The following TTC34 variants were observed in gnomAD, a reference collection of about 807,000 sequenced individuals.
TTC34 encodes tetratricopeptide repeat domain 34.
A neutral mutation model predicts 40.7 loss-of-function variants in TTC34; 44 were observed. The observed-to-expected ratio is 1.08, with a 90% confidence interval of 0.85 to 1.39. The LOEUF (loss-of-function observed/expected upper bound fraction) is 1.39, where lower values mean the gene tolerates loss of function less well. TTC34 is among the 40% of genes most tolerant of loss of function. The probability of loss-of-function intolerance (pLI) is 0.00; values close to 1 mark genes in which losing one functional copy is unlikely to be tolerated. For synonymous variants in TTC34, 422 were observed against 398.6 expected, an observed-to-expected ratio of 1.06 and a Z score of -0.70; for missense variants, 884 against 838.0, an observed-to-expected ratio of 1.05 and a Z score of -0.68.
Position 2,783,606 on chromosome 1 carries a change from C to T in TTC34, c.2226+3G>A, listed in dbSNP as rs1006221745. On this transcript the variant is annotated splice_donor_region_variant and intron_variant, in intron 6 of 8. Coordinates refer to ENST00000401095, the Ensembl canonical transcript of TTC34. ...CAGGCCCAGGTCAGGAGTGGGGCGG[C>T]ACCTGCAGCTGGTCTAGGGCCAGGT... The T allele has an allele frequency of 1.4e-6, 2 of 1,415,558 alleles. No individual in the cohort carries two copies. Among genetic ancestry groups the T allele is most frequent in the Non-Finnish European group, 1.9e-6 (2 of 1,067,916 alleles). 87.7% of individuals were successfully genotyped at this position (1,415,558 alleles called of 1,614,324 possible). A position where few individuals can be genotyped will look rare whatever the true frequency, so the allele number is the denominator to read the frequency against.
chr1:2,772,937 C>A (rs1158241597), intron 6 of TTC34, among the ~76,000 whole-genome samples: 1 of 130,536 alleles, frequency 7.7e-6, no homozygotes, highest in Non-Finnish European at 1.7e-5. Flanking sequence ...AGCACCCATA[C>A]CCCCAGGCGA....
intron 6 of TTC34, among the ~76,000 whole-genome samples, chr1:2,771,481 C>A (rs1642126598): frequency 1.2e-5 from 1 of 82,316 alleles, no homozygotes; most frequent in African/African-American, 8.2e-5. Flanking sequence ...ACAGCATCCA[C>A]ACCCCCAGGC....
rs1373927064 is a variant in TTC34 at position 2,675,092 on chromosome 1, C to G, written c.2227-29529G>C. The stretch of plus-strand genomic sequence containing the variant: ...AGCAGTGCCCACACACCCAGGCGAG[C>G]ATCTGACAGCCTGGAGCAGTGCCCA... On this transcript the variant is annotated intron_variant, in intron 6 of 8. Coordinates refer to ENST00000401095, the Ensembl canonical transcript of TTC34. Among the ~76,000 whole-genome samples the G allele has an allele frequency of 9.5e-4, 114 of 119,914 alleles. 2 individuals are homozygous for G. The highest frequency in any genetic ancestry group is 2.9e-3 in the African/African-American group (100 of 34,122). 78.7% of individuals were successfully genotyped at this position (119,914 alleles called of 152,430 possible).
intron 6 of TTC34, among the ~76,000 whole-genome samples, chr1:2,746,548 A>G (rs1167517415): frequency 3.8e-5 from 1 of 26,466 alleles, no homozygotes. Flanking sequence ...AACAGCACCC[A>G]CATCCCCAGG....
chr1:2,677,463 TCTGAACACACG>T (rs1639947732), intron 6 of TTC34, among the ~76,000 whole-genome samples: 1 of 85,056 alleles, frequency 1.2e-5, no homozygotes. Flanking sequence ...CAGGCGAGCA[TCTGAACACACG>T]GAGCAGCACC....
chr1:2,644,284 C>T (rs750660631), exon 8 of TTC34: 60 of 1,534,652 alleles, frequency 3.9e-5, no homozygotes, highest in Non-Finnish European at 4.6e-5. Flanking sequence ...CTCTGCCGCT[C>T]CGAGGCCTCC....
chr1:2,646,559 A>G (rs2100989597), intron 6 of TTC34, among the ~76,000 whole-genome samples: 1 of 152,166 alleles, frequency 6.6e-6, no homozygotes, highest in Admixed American at 6.5e-5. Context: ...TCATTTTAAA[A>G]TCTTTTTGTA....
At chr1:2,688,081 C>T (rs997721787) in intron 6 of TTC34, among the ~76,000 whole-genome samples, 2 of 152,006 alleles carry the variant, frequency 1.3e-5, no homozygotes, top group African/African-American at 4.8e-5. Context: ...GGAACAGCAC[C>T]CTGCACCCCC....
At chr1:2,686,974 G>T (rs796109350) in intron 6 of TTC34, among the ~76,000 whole-genome samples, 5,400 of 44,846 alleles carry the variant, frequency 0.12, 21 homozygotes, top group African/African-American at 0.22. Flanking sequence ...TGCCAGGCGA[G>T]CATCCGCCAG....
Position 2,645,927 on chromosome 1 carries a change from C to T in TTC34, c.2227-364G>A, listed in dbSNP as rs1490754356. ...TCTCCCAGCTTGTAGCTGGCTCCCT[C>T]CACGCCTGTCCCTCCCCACAGGGGC... On this transcript the variant is annotated intron_variant, in intron 6 of 8. Coordinates refer to ENST00000401095, the Ensembl canonical transcript of TTC34. This position sits in a 1 kb window ranked among gnomAD's most constrained non-coding sequence, Gnocchi z 4.7. Among the ~76,000 whole-genome samples, 1 of 152,166 alleles carries T rather than the reference C, an allele frequency of 6.6e-6. No individual in the cohort carries two copies. The highest frequency in any genetic ancestry group is 2.4e-5 in the African/African-American group (1 of 41,422).
intron 6 of TTC34, among the ~76,000 whole-genome samples, chr1:2,750,637 C>A (rs1641286909): frequency 4.6e-5 from 7 of 151,106 alleles, no homozygotes; most frequent in African/African-American, 9.7e-5. Flanking sequence ...CCTGGAGCAG[C>A]ACCCACACCC....
At chr1:2,800,350 C>G (rs912117632) in exon 2 of TTC34, 1 of 398,416 alleles carries the variant, frequency 2.5e-6, no homozygotes, top group Admixed American at 4.4e-5. Flanking sequence ...TGGAGATAGG[C>G]GGCCACACCA....
chr1:2,644,896 C>T (rs1034953043), intron 7 of TTC34, among the ~76,000 whole-genome samples: 2 of 152,014 alleles, frequency 1.3e-5, no homozygotes, highest in South Asian at 2.1e-4. Flanking sequence ...TGTGGAAATC[C>T]GCGGGAAGGG....
intron 6 of TTC34, among the ~76,000 whole-genome samples, chr1:2,699,485 C>A (rs1641027985): frequency 7.9e-6 from 1 of 127,332 alleles, no homozygotes; most frequent in Non-Finnish European, 1.8e-5. Flanking sequence ...CCTGGAGCAG[C>A]ACCCACACAC....
intron 2 of TTC34, among the ~76,000 whole-genome samples, chr1:2,795,931 T>A (rs1643706845): frequency 6.6e-6 from 1 of 152,248 alleles, no homozygotes; most frequent in African/African-American, 2.4e-5. Flanking sequence ...TGAATGTTTG[T>A]TCCCTCCAAA....
intron 6 of TTC34, among the ~76,000 whole-genome samples, chr1:2,684,830 C>G (rs1233628309): frequency 8.2e-5 from 7 of 85,248 alleles, no homozygotes; most frequent in African/African-American, 4.3e-4. Flanking sequence ...TGCAGCAGCA[C>G]CCCACACCCA....
chr1:2,752,676 T>A (rs1220745659), intron 6 of TTC34, among the ~76,000 whole-genome samples: 5 of 143,442 alleles, frequency 3.5e-5, no homozygotes, highest in African/African-American at 5.4e-5. Context: ...TCTGACAACC[T>A]GCAACAGCAC....
intron 6 of TTC34, among the ~76,000 whole-genome samples, chr1:2,683,512 C>G (rs1427547244): frequency 7.5e-6 from 1 of 133,620 alleles, no homozygotes; most frequent in East Asian, 2.0e-4. Context: ...GGCACCCACA[C>G]CACCAGGTGA....
exon 3 of TTC34, chr1:2,789,533 G>A: frequency 6.7e-7 from 1 of 1,501,878 alleles, no homozygotes; most frequent in South Asian, 1.2e-5. Flanking sequence ...GCCCGTCTCT[G>A]CGGCCTCCCT....
Sources: gnomAD v4.1 joint callset for allele counts (sites outside exome capture counted in the v4.1 genomes callset) on GRCh38, gnomAD v4.1.1 for gene constraint, Gnocchi (gnomAD v3.1) non-coding constraint, MANE v1.5 for transcripts, NCBI Gene and HGNC (gene_info 2026-07-23, HGNC 2026-07-21) for gene names.